SCAPER: variants seen among roughly 807,000 people sequenced by gnomAD.
SCAPER encodes the protein S-phase cyclin A associated protein in the ER.
Under a neutral mutation model 182.2 loss-of-function variants are expected in SCAPER, and 98 were observed. The ratio of observed to expected loss-of-function variants is 0.54; its 90% CI spans 0.46 to 0.64. The LOEUF (loss-of-function observed/expected upper bound fraction) is 0.64. SCAPER is among the 30% of genes least tolerant of loss of function. The pLI is 0.00. For synonymous variants in SCAPER, 605 were observed against 564.6 expected (o/e 1.07, Z -1.01); for missense variants, 1,432 against 1,690.0 (o/e 0.85, Z 2.68).
rs75851747 is a variant in SCAPER, at chr15:76,428,538, T to C, written c.3311+5540A>G. Among the ~76,000 whole-genome samples, 1,268 of 152,124 alleles carry C rather than the reference T, an allele frequency of 8.3e-3. 12 individuals are homozygous for C. The highest frequency in any genetic ancestry group is 0.029 in the African/African-American group (1,203 of 41,488). On this transcript the variant is annotated intron_variant, in intron 26 of 31. Transcript: ENST00000563290. Reference sequence around the variant, plus strand: ...AATAAACCAGGCACAGAAGGACAAATATTGCATGATCTCACTCAAGTGTGT... The same window carrying C: ...AATAAACCAGGCACAGAAGGACAAACATTGCATGATCTCACTCAAGTGTGT...
At chr15:76,552,098 C>G (rs2144966984) in intron 23 of SCAPER, among the ~76,000 whole-genome samples, 1 of 151,934 alleles carries the variant, frequency 6.6e-6, no homozygotes, top group South Asian at 2.1e-4. Context: ...CCAGCCTGGG[C>G]AACAAAAAGA....
chr15:76,426,841 A>C (rs2046469216), intron 26 of SCAPER, among the ~76,000 whole-genome samples: 1 of 152,230 alleles, frequency 6.6e-6, no homozygotes, highest in Non-Finnish European at 1.5e-5. Flanking sequence ...ATAGTTATCA[A>C]AACACCATGG....
intron 22 of SCAPER, among the ~76,000 whole-genome samples, chr15:76,617,707 A>G (rs1248143894): frequency 6.6e-6 from 1 of 152,132 alleles, no homozygotes; most frequent in East Asian, 1.9e-4. Flanking sequence ...GAAACCATAG[A>G]CCCGTGAGGC....
intron 8 of SCAPER, among the ~76,000 whole-genome samples, chr15:76,782,518 G>C (rs920168328): frequency 1.3e-5 from 2 of 152,116 alleles, no homozygotes; most frequent in African/African-American, 2.4e-5. Context: ...ACTCAGCTCT[G>C]CACCAAGCCG....
chr15:76,609,069 C>T (rs559519092), intron 22 of SCAPER, among the ~76,000 whole-genome samples: 20 of 152,186 alleles, frequency 1.3e-4, no homozygotes, highest in African/African-American at 2.2e-4. Flanking sequence ...GAGATGAACC[C>T]GGTACCTCAG....
chr15:76,688,349 G>T (rs1267854101), intron 20 of SCAPER, among the ~76,000 whole-genome samples: 2 of 152,160 alleles, frequency 1.3e-5, no homozygotes, highest in Admixed American at 6.5e-5. Context: ...TTTGTCATAT[G>T]GATAGATTGC....
intron 26 of SCAPER, among the ~76,000 whole-genome samples, chr15:76,420,520 G>C (rs2045954012): frequency 6.6e-6 from 1 of 151,902 alleles, no homozygotes; most frequent in Non-Finnish European, 1.5e-5. Flanking sequence ...ATCTGAAAAA[G>C]AATCAAAAGA....
Position 76,504,766 on chromosome 15 carries a change from A to G in SCAPER, c.2954+93T>C, listed in dbSNP as rs1210710365. ...TTTTGGTATTCAACCCTGAATACACATACAATTTTCTTGTGGTTCTCCATA... is the reference window on the plus strand; with the variant it reads ...TTTTGGTATTCAACCCTGAATACACGTACAATTTTCTTGTGGTTCTCCATA... On this transcript the variant is annotated intron_variant, in intron 24 of 31. Coordinates refer to ENST00000563290, the MANE Select transcript of SCAPER (RefSeq NM_020843.4). 91 of 1,021,412 alleles carry G rather than the reference A, an allele frequency of 8.9e-5. No individual in the cohort carries two copies. In the East Asian group the frequency reaches 1.7e-3, roughly 19 times the overall value. 63.3% of individuals were successfully genotyped at this position (1,021,412 alleles called of 1,614,324 possible). A position where few individuals can be genotyped will look rare whatever the true frequency, so the allele number is the denominator to read the frequency against.
chr15:76,808,996 G>C (rs1348038961), intron 5 of SCAPER, among the ~76,000 whole-genome samples: 7 of 152,126 alleles, frequency 4.6e-5, no homozygotes, highest in Non-Finnish European at 7.4e-5. Context: ...TTGAGAGATG[G>C]GTTTCTAACT....
chr15:76,719,579 T>C (rs773322380), intron 17 of SCAPER, among the ~76,000 whole-genome samples: 2 of 152,156 alleles, frequency 1.3e-5, no homozygotes, highest in Non-Finnish European at 2.9e-5. Context: ...TGGGTAACTA[T>C]GTGAGAAGAT....
At chr15:76,761,224 T>G (rs2062767489) in intron 14 of SCAPER, among the ~76,000 whole-genome samples, 1 of 152,104 alleles carries the variant, frequency 6.6e-6, no homozygotes, top group African/African-American at 2.4e-5. Flanking sequence ...TTCTAATTTA[T>G]TTGAGTCTTT....
At chr15:76,889,379 C>T (rs544706503) in intron 1 of SCAPER, among the ~76,000 whole-genome samples, 1 of 152,238 alleles carries the variant, frequency 6.6e-6, no homozygotes, top group East Asian at 1.9e-4. Context: ...CACAGACTGG[C>T]AAATTGGACA....
intron 4 of SCAPER, among the ~76,000 whole-genome samples, chr15:76,850,972 C>T (rs779872289): frequency 8.0e-5 from 12 of 150,722 alleles, no homozygotes; most frequent in Non-Finnish European, 5.9e-5. Context: ...CACAATAGGA[C>T]AATACAGGAG....
intron 17 of SCAPER, among the ~76,000 whole-genome samples, chr15:76,720,820 T>A (rs1307741692): frequency 6.6e-6 from 1 of 152,196 alleles, no homozygotes; most frequent in African/African-American, 2.4e-5. Context: ...AGATTCTGGA[T>A]ATTAGCCCTT....
chr15:76,667,796 T>C (rs1038338522), intron 20 of SCAPER, among the ~76,000 whole-genome samples: 2 of 151,734 alleles, frequency 1.3e-5, no homozygotes, highest in African/African-American at 2.4e-5. Context: ...CTACTAAAAA[T>C]ACAAAAATTA....
intron 5 of SCAPER, among the ~76,000 whole-genome samples, chr15:76,805,717 G>C (rs2066109113): frequency 6.6e-6 from 1 of 151,914 alleles, no homozygotes; most frequent in African/African-American, 2.4e-5. Flanking sequence ...ACAGGCACGT[G>C]CCACCATGCC....
At chr15:76,364,110 A>G (rs1456789909) in intron 29 of SCAPER, among the ~76,000 whole-genome samples, 1 of 152,240 alleles carries the variant, frequency 6.6e-6, no homozygotes, top group Non-Finnish European at 1.5e-5. Context: ...TAAAGAGTCT[A>G]TGCATATACA....
intron 22 of SCAPER, among the ~76,000 whole-genome samples, chr15:76,617,517 A>G (rs943837456): frequency 6.6e-6 from 1 of 152,142 alleles, no homozygotes; most frequent in African/African-American, 2.4e-5. Context: ...GTCTCACCTA[A>G]CATAACCAGC....
intron 25 of SCAPER, among the ~76,000 whole-genome samples, chr15:76,470,813 T>C (rs1462424532): frequency 1.3e-5 from 2 of 152,206 alleles, no homozygotes; most frequent in Admixed American, 6.5e-5. Context: ...CCTCTTAAAC[T>C]GACCCTTTTA....
Sources: gnomAD v4.1 joint callset for allele counts (sites outside exome capture counted in the v4.1 genomes callset) on GRCh38, gnomAD v4.1.1 for gene constraint, MANE v1.5 for transcripts, NCBI Gene and HGNC (gene_info 2026-07-23, HGNC 2026-07-21) for gene names.